SHQ1: variants seen among roughly 807,000 people sequenced by gnomAD.
SHQ1 encodes SHQ1, H/ACA ribonucleoprotein assembly factor.
SHQ1 carries 49 observed loss-of-function variants against 53.8 expected under a neutral mutation model. That is an observed-to-expected ratio of 0.91 (90% CI 0.72 to 1.16). The LOEUF (loss-of-function observed/expected upper bound fraction) is 1.16. Ranked by LOEUF, SHQ1 falls within the 50% of genes most tolerant of loss-of-function variation. SHQ1 has a pLI of 0.00. For synonymous variants in SHQ1, 243 were observed against 251.0 expected (o/e 0.97, Z 0.30); for missense variants, 738 against 683.1 (o/e 1.08, Z -0.90).
chr3:72,842,587 T>C (rs1708207918), intron 2 of SHQ1, among the ~76,000 whole-genome samples, 185 bp from the exon 3 acceptor site: 1 of 151,794 alleles, frequency 6.6e-6, no homozygotes, highest in African/African-American at 2.4e-5. Context: ...ATAAAATCAT[T>C]TTAATTAAAA....
At chr3:72,790,115 T>G (rs1226755527) in intron 10 of SHQ1, among the ~76,000 whole-genome samples, 3 of 152,206 alleles carry the variant, frequency 2.0e-5, no homozygotes, top group Non-Finnish European at 4.4e-5. Context: ...GGGAGCGTTC[T>G]TTTCAGAAAA....
chr3:72,832,610 A>G (rs2106925937), intron 4 of SHQ1, 129 bp from the exon 5 acceptor site: 1 of 621,204 alleles, frequency 1.6e-6, no homozygotes, highest in South Asian at 2.1e-5. Context: ...GCCACCTGTG[A>G]CATTTAGATT....
intron 10 of SHQ1, among the ~76,000 whole-genome samples, chr3:72,752,408 TTG>T (rs1260870508): frequency 2.6e-5 from 4 of 152,206 alleles, no homozygotes; most frequent in Non-Finnish European, 5.9e-5. Flanking sequence ...TCACTGCCTA[TTG>T]TTTTATTTTT....
downstream of SHQ1, among the ~76,000 whole-genome samples, chr3:72,746,184 C>A (rs1056408918): frequency 2.6e-5 from 4 of 152,170 alleles, no homozygotes; most frequent in South Asian, 2.1e-4. Context: ...TGGAGTCCCC[C>A]CCTCGTGAGC....
the SHQ1 span, among the ~76,000 whole-genome samples, chr3:72,730,092 A>G: frequency 6.6e-6 from 1 of 151,934 alleles, no homozygotes; most frequent in Non-Finnish European, 1.5e-5. Flanking sequence ...TGCTGGAATT[A>G]CAGGCGTGAG....
At chr3:72,731,037 C>T in the SHQ1 span, among the ~76,000 whole-genome samples, 1 of 138,262 alleles carries the variant, frequency 7.2e-6, no homozygotes, top group African/African-American at 2.6e-5. Context: ...GCCAGAAGAA[C>T]AGGGTACTCT....
chr3:72,746,765 A>T (rs751895549), downstream of SHQ1, among the ~76,000 whole-genome samples: 1 of 152,224 alleles, frequency 6.6e-6, no homozygotes, highest in African/African-American at 2.4e-5. Flanking sequence ...TGATGGAAGG[A>T]AGAAAACTTC....
intron 9 of SHQ1, among the ~76,000 whole-genome samples, chr3:72,796,630 G>A (rs1364661774): frequency 1.3e-5 from 2 of 151,946 alleles, no homozygotes; most frequent in Non-Finnish European, 2.9e-5. Flanking sequence ...AGACCAGCCT[G>A]GTCAACATGG....
chr3:72,752,299 C>A (rs1705402317), intron 10 of SHQ1, among the ~76,000 whole-genome samples: 1 of 152,142 alleles, frequency 6.6e-6, no homozygotes, highest in African/African-American at 2.4e-5. Context: ...TCTTAATAAA[C>A]TCTCCAAAGT....
chr3:72,782,864 C>T (rs1299519187), intron 10 of SHQ1, among the ~76,000 whole-genome samples: 1 of 152,166 alleles, frequency 6.6e-6, no homozygotes, highest in East Asian at 1.9e-4. Flanking sequence ...TAAGCCTTTT[C>T]TCTGAATAAG....
At chr3:72,769,863 G>C (rs190512638) in intron 10 of SHQ1, among the ~76,000 whole-genome samples, 1 of 152,260 alleles carries the variant, frequency 6.6e-6, no homozygotes, top group East Asian at 1.9e-4. Context: ...CCACAGCAAG[G>C]AGGTTAAGAG....
intron 1 of SHQ1, 69 bp downstream of exon 1, chr3:72,848,129 T>TTGC (rs1708408933): frequency 6.3e-7 from 1 of 1,589,636 alleles, no homozygotes; most frequent in Middle Eastern, 1.7e-4. Context: ...TCTCTCGACC[T>TTGC]TGCATTCTCC....
chr3:72,828,834 G>A (rs1327629148), intron 5 of SHQ1, among the ~76,000 whole-genome samples: 5 of 152,148 alleles, frequency 3.3e-5, no homozygotes, highest in African/African-American at 4.8e-5. Context: ...GAGAAATTGC[G>A]ATGACACACA....
At position 72,763,050 on chromosome 3, in the gene SHQ1, CACACACACACACAGAG is replaced by C. The variant is rs1402966011; in HGVS notation, c.1182-12230_1182-12215del. On this transcript the variant is annotated intron_variant, in intron 10 of 10. Transcript: ENST00000325599. ...ACACACACACACACACACACACACACACACACACACACAGAGAGAGAGAGAGAGAGAGAGAGAAATG... is the reference window on the plus strand; with the variant it reads ...ACACACACACACACACACACACACACAGAGAGAGAGAGAGAGAGAGAAATG... Among the ~76,000 whole-genome samples the C allele has an allele frequency of 5.4e-3, 761 of 142,158 alleles. 6 individuals carry two copies. The highest frequency in any genetic ancestry group is 0.02 in the African/African-American group (704 of 35,838). 93.3% of individuals were successfully genotyped at this position (142,158 alleles called of 152,430 possible).
chr3:72,782,324 C>T (rs1483832212), intron 10 of SHQ1, among the ~76,000 whole-genome samples: 2 of 152,140 alleles, frequency 1.3e-5, no homozygotes, highest in Non-Finnish European at 1.5e-5. Flanking sequence ...TAAGCAAAAA[C>T]AATTTCCTTG....
intron 10 of SHQ1, among the ~76,000 whole-genome samples, chr3:72,754,502 C>T (rs1334941288): frequency 6.6e-6 from 1 of 152,062 alleles, no homozygotes; most frequent in African/African-American, 2.4e-5. Flanking sequence ...CTGCCTCCGC[C>T]TCCCGAGTAG....
rs114472725 is a variant in SHQ1 at position 72,800,220 on chromosome 3, T to G, written c.1061-7184A>C. 5.1e-3 allele frequency among the ~76,000 whole-genome samples: 780 copies of G among 152,274 alleles called. 10 individuals are homozygous for G. The highest frequency in any genetic ancestry group is 0.018 in the African/African-American group (751 of 41,570). On this transcript the variant is annotated intron_variant, in intron 9 of 10. Transcript: ENST00000325599. Reference sequence around the variant, plus strand: ...CAGCAAGAAGGCCCTCACCAGCCCCTTGATCTTGGATTTCACAGCCTCCAG... The same window carrying G: ...CAGCAAGAAGGCCCTCACCAGCCCCGTGATCTTGGATTTCACAGCCTCCAG...
chr3:72,830,363 T>C (rs1482539852), intron 5 of SHQ1, among the ~76,000 whole-genome samples: 2 of 152,150 alleles, frequency 1.3e-5, no homozygotes, highest in Admixed American at 6.5e-5. Flanking sequence ...GGTAATATTA[T>C]GCTAATCTTA....
intron 3 of SHQ1, 58 bp downstream of exon 3, chr3:72,842,222 C>T: frequency 1.9e-6 from 3 of 1,580,020 alleles, no homozygotes; most frequent in Non-Finnish European, 2.6e-6. Flanking sequence ...CCTACAAATA[C>T]ACAGCATTCC....
Sources: allele counts gnomAD v4.1 joint callset (sites outside exome capture counted in the v4.1 genomes callset), GRCh38; gene constraint gnomAD v4.1.1; transcripts MANE v1.5; gene names NCBI Gene and HGNC (gene_info 2026-07-23, HGNC 2026-07-21).